Variants in SLC9A9 observed in about 807,000 individuals in gnomAD.
SLC9A9 encodes sodium/hydrogen exchanger 9.
SLC9A9 carries 62 observed loss-of-function variants against 77.8 expected under a neutral mutation model. The ratio of observed to expected loss-of-function variants is 0.80; its 90% confidence interval spans 0.65 to 0.98. The LOEUF (loss-of-function observed/expected upper bound fraction) is 0.98, where lower values mean the gene tolerates loss of function less well. Ranked by LOEUF, SLC9A9 falls within the 50% of genes least tolerant of loss-of-function variation. The pLI is 0.00. For synonymous variants in SLC9A9, 320 were observed against 283.5 expected (o/e 1.13, Z -1.29); for missense variants, 775 against 774.9 (o/e 1.00, Z 0.00).
intron 5 of SLC9A9, among the ~76,000 whole-genome samples, chr3:143,672,187 A>ATT (rs35500236): frequency 0.015 from 2,316 of 150,718 alleles, 47 homozygotes; most frequent in African/African-American, 0.052. Flanking sequence ...TACATCTTAA[A>ATT]TTTTTTTTTT....
chr3:143,390,410 G>A (rs555697104), intron 12 of SLC9A9, among the ~76,000 whole-genome samples: 30 of 152,318 alleles, frequency 2.0e-4, no homozygotes, highest in African/African-American at 7.0e-4. Context: ...TCCACAAAAC[G>A]GAGATAGGAA....
chr3:143,436,947 T>C (rs984474438), intron 12 of SLC9A9, among the ~76,000 whole-genome samples: 16 of 152,244 alleles, frequency 1.1e-4, no homozygotes, highest in Admixed American at 7.9e-4. Flanking sequence ...CCTCACTCCC[T>C]GGATTATGTA....
intron 13 of SLC9A9, among the ~76,000 whole-genome samples, chr3:143,378,513 A>G (rs1416151212): frequency 2.0e-5 from 3 of 152,216 alleles, no homozygotes; most frequent in Non-Finnish European, 4.4e-5. Context: ...CTAGTGCCCA[A>G]CGAATATGGG....
intron 6 of SLC9A9, among the ~76,000 whole-genome samples, chr3:143,624,309 C>CAA (rs1194909992): frequency 6.6e-6 from 1 of 151,906 alleles, no homozygotes; most frequent in South Asian, 2.1e-4. Flanking sequence ...AGAGACACAA[C>CAA]AAAAAAAGAG....
chr3:143,467,276 C>G (rs1392974649), intron 11 of SLC9A9, 86 bp from the exon 12 acceptor site: 3 of 1,481,386 alleles, frequency 2.0e-6, no homozygotes, highest in Admixed American at 1.9e-5. Context: ...TTTGCTGACA[C>G]AATTTTTTTA....
At chr3:143,361,927 CT>C (rs68011000) in intron 14 of SLC9A9, among the ~76,000 whole-genome samples, 5,812 of 152,208 alleles carry the variant, frequency 0.038, 187 homozygotes, top group East Asian at 0.18. Flanking sequence ...ACAAAAACAT[CT>C]TTTTATCTCA....
intron 2 of SLC9A9, among the ~76,000 whole-genome samples, chr3:143,816,155 T>C (rs932596652): frequency 2.6e-5 from 4 of 152,238 alleles, no homozygotes; most frequent in Admixed American, 1.3e-4. Flanking sequence ...TGTATTTATG[T>C]ATTTCATATA....
chr3:143,523,223 A>G (rs1019800700), intron 9 of SLC9A9, among the ~76,000 whole-genome samples: 5 of 152,134 alleles, frequency 3.3e-5, no homozygotes, highest in African/African-American at 1.2e-4. Flanking sequence ...AATTATTATT[A>G]TTGTTATTAT....
intron 6 of SLC9A9, among the ~76,000 whole-genome samples, chr3:143,642,570 T>C (rs2038640943): frequency 1.3e-5 from 2 of 152,254 alleles, no homozygotes. Context: ...GCTCTAGACA[T>C]AATGTGATGC....
rs764098632 is a variant in SLC9A9 at position 143,696,545 on chromosome 3, C to T, written c.534-3238G>A. Among the ~76,000 whole-genome samples, 15 of 152,306 alleles carry T rather than the reference C, an allele frequency of 9.8e-5. No individual in the cohort carries two copies. The South Asian group carries it at 1.0e-3, about 11-fold the overall frequency. On this transcript the variant is annotated intron_variant, in intron 4 of 15. Coordinates refer to ENST00000316549, the MANE Select transcript of SLC9A9 (RefSeq NM_173653.4). ...CAGTCATGGCATTAGCAGAGAAATG[C>T]TCCTCAGTATTCATCCCTTCAGCCT...
Position 143,514,212 on chromosome 3 carries a change from C to CTTTT in SLC9A9, c.1090-18768_1090-18765dup, listed in dbSNP as rs34218404. Among the ~76,000 whole-genome samples the CTTTT allele has an allele frequency of 7.6e-3, 1,113 of 146,482 alleles. 10 individuals are homozygous for CTTTT. Among genetic ancestry groups the CTTTT allele is most frequent in the African/African-American group, 0.026 (1,028 of 39,702 alleles). On this transcript the variant is annotated intron_variant, in intron 9 of 15. Transcript: ENST00000316549. ...AGAGCAGCAATATTTTGAAAGGAACCTTTTTTTTTTTTTCTGAGCAGTAAA... is the reference window on the plus strand; with the variant it reads ...AGAGCAGCAATATTTTGAAAGGAACCTTTTTTTTTTTTTTTTTCTGAGCAGTAAA...
chr3:143,453,020 A>T (rs1286624779), intron 12 of SLC9A9, among the ~76,000 whole-genome samples: 1 of 152,038 alleles, frequency 6.6e-6, no homozygotes, highest in African/African-American at 2.4e-5. Flanking sequence ...TTATGTATAT[A>T]TATGGAAAGG....
At chr3:143,405,636 G>A (rs2033961780) in intron 12 of SLC9A9, among the ~76,000 whole-genome samples, 1 of 152,178 alleles carries the variant, frequency 6.6e-6, no homozygotes, top group Non-Finnish European at 1.5e-5. Flanking sequence ...TTTTAAAACT[G>A]CATACACTCA....
At chr3:143,429,125 C>G (rs2034460649) in intron 12 of SLC9A9, among the ~76,000 whole-genome samples, 1 of 152,154 alleles carries the variant, frequency 6.6e-6, no homozygotes, top group Admixed American at 6.5e-5. Context: ...ACTATGTATA[C>G]ATGCATTGAA....
chr3:143,435,546 T>C (rs1161959868), intron 12 of SLC9A9, among the ~76,000 whole-genome samples: 1 of 152,124 alleles, frequency 6.6e-6, no homozygotes, highest in African/African-American at 2.4e-5. Context: ...TTACAGAAAA[T>C]TGGGAAATGC....
At chr3:143,645,203 A>C (rs1291720555) in intron 6 of SLC9A9, among the ~76,000 whole-genome samples, 2 of 152,230 alleles carry the variant, frequency 1.3e-5, no homozygotes, top group Non-Finnish European at 2.9e-5. Flanking sequence ...AGAACCTACC[A>C]AATAATTGCC....
At chr3:143,736,236 T>C (rs568972059) in intron 4 of SLC9A9, among the ~76,000 whole-genome samples, 1 of 152,336 alleles carries the variant, frequency 6.6e-6, no homozygotes, top group African/African-American at 2.4e-5. Context: ...CATTCTTCTT[T>C]GTACCTGCTT....
rs994370251 is a variant in SLC9A9 at position 143,363,547 on chromosome 3, T to C, written c.1541A>G (p.Asp514Gly). 6.2e-7 allele frequency: 1 copy of C among 1,612,940 alleles called. No individual in the cohort carries two copies. The highest frequency in any genetic ancestry group is 8.5e-7 in the Non-Finnish European group (1 of 1,179,184). ...ACTCTCTGCTTTCGTCATGTTTTTA[T>C]CCAAGTTATTTGCTTCCTGGGGAGA... The part of the protein sequence containing the change: ...SSQHQEANNL[D>G]KNMTKAESAR... Residue 514 changes from aspartate (D) to glycine (G), a missense_variant, in exon 14 of 16, where the codon GAT becomes GGT. Transcript: ENST00000316549.
intron 2 of SLC9A9, among the ~76,000 whole-genome samples, chr3:143,818,927 C>T (rs2009096370): frequency 6.6e-6 from 1 of 151,840 alleles, no homozygotes; most frequent in African/African-American, 2.4e-5. Flanking sequence ...ACTAAAAATA[C>T]AAAAAATTAG....
Sources: allele counts gnomAD v4.1 joint callset (sites outside exome capture counted in the v4.1 genomes callset), GRCh38; gene constraint gnomAD v4.1.1; transcripts MANE v1.5; gene names NCBI Gene and HGNC (gene_info 2026-07-23, HGNC 2026-07-21).